The following DDX55 variants were observed in gnomAD, a reference collection of about 807,000 sequenced individuals.
The protein encoded by DDX55 is DEAD-box helicase 55.
In DDX55, 56 loss-of-function variants were observed where a neutral mutation model predicts 69.2. The observed-to-expected ratio is 0.81, with a 90% CI of 0.65 to 1.01. The LOEUF is 1.01. DDX55 is among the 50% of genes least tolerant of loss of function. The pLI, the probability that DDX55 is intolerant of heterozygous loss-of-function variation, is 0.00. For missense variants in DDX55, 720 were observed against 745.1 expected (o/e 0.97, Z 0.39); for synonymous variants, 268 against 273.1 (o/e 0.98, Z 0.18).
intron 11 of DDX55, 121 bp from the exon 12 acceptor site, chr12:123,618,548 T>C: frequency 1.3e-6 from 2 of 1,540,526 alleles, no homozygotes; most frequent in Non-Finnish European, 1.7e-6. Flanking sequence ...GGAGTTGGGC[T>C]TCAGACCTCA....
Position 123,605,978 on chromosome 12 carries a change from A to G in DDX55, c.156A>G (p.Glu52=), listed in dbSNP as rs1390355464. The G allele has an allele frequency of 1.2e-6, 2 of 1,614,188 alleles. No homozygotes were observed. Among genetic ancestry groups the G allele is most frequent in the East Asian group, 2.2e-5 (1 of 44,884 alleles). Reference sequence around the variant, plus strand: ...TGCGAAACAAAGATGTCGCTGCAGAAGCGGTGAGTGCCTCGGGTATGTGCA... The same window carrying G: ...TGCGAAACAAAGATGTCGCTGCAGAGGCGGTGAGTGCCTCGGGTATGTGCA... ...LFMRNKDVAA[E]AVTGSGKTLA... Residue 52 remains glutamate (E), a synonymous_variant, in exon 2 of 14, where the codon GAA becomes GAG. Coordinates refer to ENST00000238146, the MANE Select transcript of DDX55 (RefSeq NM_020936.3).
chr12:123,602,317 G>C, intron 1 of DDX55, 61 bp downstream of exon 1: 1 of 1,435,238 alleles, frequency 7.0e-7, no homozygotes, highest in Admixed American at 2.1e-5. Context: ...CGCTGCATCG[G>C]ACCCACAGGA....
Position 123,607,604 on chromosome 12 carries a change from A to T in DDX55, c.343A>T (p.Ile115Phe). 6.2e-7 allele frequency: 1 copy of T among 1,614,162 alleles called. No individual in the cohort carries two copies. The highest frequency in any genetic ancestry group is 8.5e-7 in the Non-Finnish European group (1 of 1,180,040). Reference protein sequence around the residue: ...FTKHFPEFSQILWIGGRNPGE... With the variant: ...FTKHFPEFSQFLWIGGRNPGE... ...AAGGCTGTTTTCTTGTTGTAGCCAG[A>T]TTCTTTGGATCGGAGGCAGGAATCC... is the stretch of plus-strand genomic sequence containing the variant. Residue 115 changes from isoleucine to phenylalanine, a missense_variant, in exon 5 of 14, where the codon ATT (isoleucine) becomes TTT (phenylalanine). Ile to Phe is a conservative substitution (Grantham distance 21). Transcript: ENST00000238146.
At chr12:123,617,471 C>T (rs1391793665) in intron 10 of DDX55, among the ~76,000 whole-genome samples, 1 of 152,176 alleles carries the variant, frequency 6.6e-6, no homozygotes, top group African/African-American at 2.4e-5. Flanking sequence ...TTCATTGTTT[C>T]CCAGATTTTC....
chr12:123,617,214 G>C (rs1047699377), intron 10 of DDX55, among the ~76,000 whole-genome samples: 1 of 152,182 alleles, frequency 6.6e-6, no homozygotes, highest in East Asian at 1.9e-4. Flanking sequence ...TGGTGAAATC[G>C]TGATACTGTA....
rs143358259 is a variant in DDX55 at position 123,620,130 on chromosome 12, A to G, written c.1793A>G (p.Asp598Gly). ...GATTTAGGGATCTCAGATTTGGAAGATGACTGCTGATTCCAGTGCCACAGA... is the reference window on the plus strand; with the variant it reads ...GATTTAGGGATCTCAGATTTGGAAGGTGACTGCTGATTCCAGTGCCACAGA... ...TVDLGISDLE[D>G]DC is the part of the protein sequence containing the mutation. The change falls in exon 14 of 14, where the codon GAT becomes GGT. Residue 598 changes from aspartate (D) to glycine (G), a missense_variant. Asp to Gly is a moderately conservative substitution (Grantham distance 94). Coordinates refer to ENST00000238146, the MANE Select transcript of DDX55 (RefSeq NM_020936.3). 1.9e-6 allele frequency: 3 copies of G among 1,613,628 alleles called. No individual in the cohort carries two copies. The highest frequency in any genetic ancestry group is 2.5e-6 in the Non-Finnish European group (3 of 1,179,768).
chr12:123,618,398 G>A (rs1954862102), intron 11 of DDX55: 1 of 903,352 alleles, frequency 1.1e-6, no homozygotes, highest in Non-Finnish European at 1.7e-6. Flanking sequence ...CTGGGACCCA[G>A]GCAAGGGTTA....
Position 123,607,512 on chromosome 12 carries a change from C to A in DDX55, c.327C>A (p.Phe109Leu). The change falls in exon 4 of 14, where the codon TTC becomes TTA. Residue 109 changes from phenylalanine (F) to leucine (L), a missense_variant. Phe to Leu is a conservative substitution (Grantham distance 22). Transcript: ENST00000238146. ...TCCTGTCGCATTTCACGAAGCACTT[C>A]CCCGAGTTCAGGTGAATTGGATGCA... ...DEVLSHFTKH[F>L]PEFSQILWIG... The A allele has an allele frequency of 6.2e-7, 1 of 1,614,156 alleles. No homozygotes were observed. The highest frequency in any genetic ancestry group is 8.5e-7 in the Non-Finnish European group (1 of 1,180,026).
chr12:123,606,969 T>C (rs1387109770), intron 3 of DDX55, among the ~76,000 whole-genome samples: 1 of 152,176 alleles, frequency 6.6e-6, no homozygotes, highest in Non-Finnish European at 1.5e-5. Flanking sequence ...TGCAAGAAGG[T>C]TATGACGTGC....
chr12:123,617,112 C>G (rs909459081), intron 10 of DDX55, among the ~76,000 whole-genome samples: 1 of 152,228 alleles, frequency 6.6e-6, no homozygotes, highest in Non-Finnish European at 1.5e-5. Context: ...CCACTTCACT[C>G]CAGCCTGGGC....
In DDX55 at chr12:123,605,953, T is replaced by C; in HGVS notation, c.131T>C (p.Met44Thr). 3 of 1,614,148 alleles carry C rather than the reference T, an allele frequency of 1.9e-6. No individual in the cohort carries two copies. Among genetic ancestry groups the C allele is most frequent in the Middle Eastern group, 1.6e-4 (1 of 6,062 alleles). ...TAGTCCGCAACCATCCCTCTGTTCATGCGAAACAAAGATGTCGCTGCAGAA... is the reference window on the plus strand; with the variant it reads ...TAGTCCGCAACCATCCCTCTGTTCACGCGAAACAAAGATGTCGCTGCAGAA... ...PVQSATIPLFMRNKDVAAEAV... is the reference protein window; with the variant it reads ...PVQSATIPLFTRNKDVAAEAV... The change falls in exon 2 of 14, where the codon ATG becomes ACG. Residue 44 changes from methionine to threonine, a missense_variant. Transcript: ENST00000238146.
Position 123,620,221 on chromosome 12 carries a change from T to C in DDX55, c.*81T>C. On this transcript the variant is annotated 3_prime_UTR_variant, in exon 14 of 14. Transcript: ENST00000238146. ...GGCTCCAGTTTGCTTTTAACGAAAA[T>C]CACAACTTCAGGAGACATCTGAAAA... 1 of 1,402,208 alleles carries C rather than the reference T, an allele frequency of 7.1e-7. No individual in the cohort carries two copies. The highest frequency in any genetic ancestry group is 9.7e-7 in the Non-Finnish European group (1 of 1,027,936). 86.9% of individuals were successfully genotyped at this position (1,402,208 alleles called of 1,614,324 possible).
At position 123,607,514 on chromosome 12, in the gene DDX55, C is replaced by G. The variant is rs1183924169; in HGVS notation, c.329C>G (p.Pro110Arg). 1.2e-6 allele frequency: 2 copies of G among 1,614,148 alleles called. No individual in the cohort carries two copies. The highest frequency in any genetic ancestry group is 1.7e-6 in the Non-Finnish European group (2 of 1,180,032). The change falls in exon 4 of 14, where the codon CCC becomes CGC. Residue 110 changes from proline (P) to arginine (R), a missense_variant. Transcript: ENST00000238146. ...EVLSHFTKHF[P>R]EFSQILWIGG... ...CTGTCGCATTTCACGAAGCACTTCC[C>G]CGAGTTCAGGTGAATTGGATGCAGT...
At chr12:123,608,494 C>A in intron 5 of DDX55, 186 bp from the exon 6 acceptor site, 1 of 655,916 alleles carries the variant, frequency 1.5e-6, no homozygotes, top group Non-Finnish European at 2.5e-6. Context: ...AGCCCAGAAC[C>A]CAGATCCCGT....
rs761069639 is a variant in DDX55, at chr12:123,617,781, G to A, written c.1073G>A (p.Arg358His). The part of the protein sequence containing the change: ...NASAFVHRCG[R>H]TARIGHGGSA... ...AGTGCCTTCGTGCATCGCTGCGGTCGCACAGCTCGCATTGGCCACGGGGGC... is the reference window on the plus strand; with the variant it reads ...AGTGCCTTCGTGCATCGCTGCGGTCACACAGCTCGCATTGGCCACGGGGGC... Residue 358 changes from arginine to histidine, a missense_variant, in exon 11 of 14, where the codon CGC becomes CAC. By Grantham distance (29) the Arg-to-His change is conservative. Coordinates refer to ENST00000238146, the MANE Select transcript of DDX55 (RefSeq NM_020936.3). The A allele has an allele frequency of 2.1e-5, 34 of 1,612,704 alleles. No individual in the cohort carries two copies. Among genetic ancestry groups the A allele is most frequent in the African/African-American group, 4.0e-5 (3 of 74,780 alleles).
intron 9 of DDX55, 91 bp from the exon 10 acceptor site, chr12:123,616,420 T>C (rs1954670700): frequency 1.8e-6 from 2 of 1,126,562 alleles, no homozygotes; most frequent in Non-Finnish European, 2.7e-6. Context: ...CTCCAGCACC[T>C]GTGTGTCACT....
At chr12:123,614,170 T>C (rs1204493840) in intron 8 of DDX55, among the ~76,000 whole-genome samples, 3 of 152,202 alleles carry the variant, frequency 2.0e-5, no homozygotes, top group Admixed American at 1.3e-4. Flanking sequence ...TTCTATTCTG[T>C]TCTACTCCAG....
chr12:123,605,923 C>T lies in DDX55; in HGVS notation c.109-8C>T. ...CTTTAACCAGTGCTTTGCAATCTCTCTCTTTAGTCCGCAACCATCCCTCTG... is the reference window on the plus strand; with the variant it reads ...CTTTAACCAGTGCTTTGCAATCTCTTTCTTTAGTCCGCAACCATCCCTCTG... On this transcript the variant is annotated splice_polypyrimidine_tract_variant and splice_region_variant and intron_variant, in intron 1 of 13. Coordinates refer to ENST00000238146, the MANE Select transcript of DDX55 (RefSeq NM_020936.3). The T allele has an allele frequency of 2.5e-6, 4 of 1,614,180 alleles. No individual in the cohort carries two copies. Among genetic ancestry groups the T allele is most frequent in the Non-Finnish European group, 3.4e-6 (4 of 1,180,026 alleles).
At chr12:123,618,591 T>A in intron 11 of DDX55, 78 bp from the exon 12 acceptor site, 1 of 1,566,356 alleles carries the variant, frequency 6.4e-7, no homozygotes, top group African/African-American at 1.4e-5. Flanking sequence ...GCTTTTGTTT[T>A]TCTTGGTTGT....
Sources: allele counts gnomAD v4.1 joint callset (sites outside exome capture counted in the v4.1 genomes callset), GRCh38; gene constraint gnomAD v4.1.1; transcripts MANE v1.5; gene names NCBI Gene and HGNC (gene_info 2026-07-23, HGNC 2026-07-21).